The following ARMH3 variants were observed in gnomAD, a reference collection of about 807,000 sequenced individuals.
ARMH3 encodes the protein armadillo-like helical domain-containing protein 3.
A neutral mutation model predicts 99.1 loss-of-function variants in ARMH3; 60 were observed. The ratio of observed to expected loss-of-function variants is 0.61; its 90% CI spans 0.49 to 0.75. The LOEUF is 0.75. Ranked by LOEUF, ARMH3 falls within the 30% of genes least tolerant of loss-of-function variation. The probability of loss-of-function intolerance (pLI) is 0.00; values close to 1 mark genes in which losing one functional copy is unlikely to be tolerated. For missense variants in ARMH3, 679 were observed against 843.1 expected (o/e 0.81, Z 2.41); for synonymous variants, 285 against 292.8 (o/e 0.97, Z 0.27).
chr10:101,927,125 TA>T (rs1843539182), intron 23 of ARMH3, among the ~76,000 whole-genome samples: 1 of 152,146 alleles, frequency 6.6e-6, no homozygotes, highest in Admixed American at 6.5e-5. Context: ...TCCTGCTAAT[TA>T]AAAGCTTAGC....
chr10:102,002,412 G>C (rs993435504), intron 14 of ARMH3, among the ~76,000 whole-genome samples: 1 of 151,854 alleles, frequency 6.6e-6, no homozygotes, highest in Non-Finnish European at 1.5e-5. Flanking sequence ...AAGAAACTTC[G>C]ATTTCTACCT....
intron 24 of ARMH3, among the ~76,000 whole-genome samples, chr10:101,877,904 AT>A (rs953425642): frequency 1.3e-5 from 2 of 152,042 alleles, no homozygotes; most frequent in African/African-American, 2.4e-5. Context: ...TGGGACATTC[AT>A]TTTTAGTCTT....
chr10:101,989,691 A>C (rs560890231), intron 19 of ARMH3, among the ~76,000 whole-genome samples: 2 of 152,344 alleles, frequency 1.3e-5, no homozygotes, highest in Admixed American at 6.5e-5. Context: ...ACTGCACTCC[A>C]GCCTAGGCAA....
At chr10:102,003,616 T>C (rs548094844) in intron 14 of ARMH3, among the ~76,000 whole-genome samples, 1 of 152,336 alleles carries the variant, frequency 6.6e-6, no homozygotes, top group South Asian at 2.1e-4. Flanking sequence ...TATGGCTTTC[T>C]GCTACATTTT....
chr10:102,053,513 G>A (rs1356871963), intron 1 of ARMH3, among the ~76,000 whole-genome samples: 1 of 151,766 alleles, frequency 6.6e-6, no homozygotes, highest in Admixed American at 6.6e-5. Flanking sequence ...AGGATTACAG[G>A]TATAAGCCAC....
rs528470081 is a variant in ARMH3 at position 101,961,150 on chromosome 10, C to T, written c.1496-3418G>A. On this transcript the variant is annotated intron_variant, in intron 20 of 25. Coordinates refer to ENST00000370033, the MANE Select transcript of ARMH3 (RefSeq NM_024541.3). ...TATTTAATACCTCATTATCGCCTTCCTGTCACTCACTGGCAACACAAAAAG... is the reference window on the plus strand; with the variant it reads ...TATTTAATACCTCATTATCGCCTTCTTGTCACTCACTGGCAACACAAAAAG... 2.6e-5 allele frequency among the ~76,000 whole-genome samples: 4 copies of T among 152,262 alleles called. No individual in the cohort carries two copies. The South Asian group carries it at 8.3e-4, about 32-fold the overall frequency.
intron 16 of ARMH3, 61 bp downstream of exon 16, chr10:101,995,236 G>A (rs1847001544): frequency 2.1e-6 from 3 of 1,413,406 alleles, no homozygotes; most frequent in East Asian, 2.3e-5. Flanking sequence ...GGTGAGGGGA[G>A]GCAGGGAAAG....
chr10:102,011,892 G>C, intron 10 of ARMH3, 109 bp from the exon 11 acceptor site: 3 of 773,118 alleles, frequency 3.9e-6, no homozygotes, highest in Admixed American at 2.8e-5. Context: ...TCTGACTCCA[G>C]AAAACTAAAG....
chr10:101,981,876 G>T (rs1846246966), intron 19 of ARMH3, among the ~76,000 whole-genome samples: 1 of 151,822 alleles, frequency 6.6e-6, no homozygotes, highest in African/African-American at 2.4e-5. Context: ...AAAATTAGCT[G>T]GGCGCGGTGG....
At chr10:102,046,212 T>C (rs975628840) in intron 1 of ARMH3, among the ~76,000 whole-genome samples, 8 of 146,602 alleles carry the variant, frequency 5.5e-5, no homozygotes, top group Non-Finnish European at 1.2e-4. Flanking sequence ...AACCCTATGA[T>C]CCAGAAAGTT....
intron 20 of ARMH3, among the ~76,000 whole-genome samples, chr10:101,964,530 G>A (rs776998781): frequency 2.8e-4 from 43 of 152,182 alleles, no homozygotes; most frequent in Non-Finnish European, 3.8e-4. Flanking sequence ...TATACATATG[G>A]CAGAATATTA....
At chr10:102,041,102 T>TATATATAATATATATATATATATA (rs2067411818) in intron 1 of ARMH3, among the ~76,000 whole-genome samples, 1 of 146,510 alleles carries the variant, frequency 6.8e-6, no homozygotes, top group African/African-American at 2.5e-5. Flanking sequence ...TATATATATA[T>TATATATAATATATATATATATATA]ATATATATAT....
intron 19 of ARMH3, among the ~76,000 whole-genome samples, chr10:101,986,774 G>A (rs1028550233): frequency 6.6e-6 from 1 of 152,134 alleles, no homozygotes; most frequent in Non-Finnish European, 1.5e-5. Flanking sequence ...TCTAAAAACT[G>A]GAAAGGGAGC....
At chr10:101,975,158 A>T in intron 20 of ARMH3, 54 bp downstream of exon 20, 1 of 1,444,994 alleles carries the variant, frequency 6.9e-7, no homozygotes, top group Non-Finnish European at 9.6e-7. Context: ...GCCCAGGCCT[A>T]GGGGCTCAAA....
At chr10:101,887,274 G>C (rs891081538) in intron 24 of ARMH3, among the ~76,000 whole-genome samples, 3 of 152,032 alleles carry the variant, frequency 2.0e-5, no homozygotes, top group African/African-American at 7.2e-5. Flanking sequence ...AAGTGAAAAG[G>C]ACTATTAAAA....
intron 23 of ARMH3, among the ~76,000 whole-genome samples, chr10:101,907,120 G>A (rs1842662409): frequency 6.6e-6 from 1 of 152,076 alleles, no homozygotes; most frequent in African/African-American, 2.4e-5. Flanking sequence ...TCTACCAACG[G>A]GGAGACGACC....
chr10:102,005,136 G>C (rs1338968432), intron 14 of ARMH3, among the ~76,000 whole-genome samples: 1 of 152,164 alleles, frequency 6.6e-6, no homozygotes, highest in African/African-American at 2.4e-5. Flanking sequence ...GGTGGAGGTT[G>C]CGGTGAGCTG....
chr10:101,982,037 A>AC (rs1254374957), intron 19 of ARMH3, among the ~76,000 whole-genome samples: 1 of 150,672 alleles, frequency 6.6e-6, no homozygotes, highest in East Asian at 2.0e-4. Flanking sequence ...AAAAAAAAAA[A>AC]AAAAAAACAA....
Position 101,990,615 on chromosome 10 carries a change from A to T in ARMH3, c.1346-4T>A, listed in dbSNP as rs1422134726. The T allele has an allele frequency of 6.2e-7, 1 of 1,601,860 alleles. No individual in the cohort carries two copies. Among genetic ancestry groups the T allele is most frequent in the Non-Finnish European group, 8.5e-7 (1 of 1,170,804 alleles). On this transcript the variant is annotated splice_polypyrimidine_tract_variant and splice_region_variant and intron_variant, in intron 18 of 25. Transcript: ENST00000370033. Reference sequence around the variant, plus strand: ...ACAATAAACTCTACCATCAGGTCTGAAAGGGGAATAGAGAAAAACTGGATC... The same window carrying T: ...ACAATAAACTCTACCATCAGGTCTGTAAGGGGAATAGAGAAAAACTGGATC...
Sources: allele counts gnomAD v4.1 joint callset (sites outside exome capture counted in the v4.1 genomes callset), GRCh38; gene constraint gnomAD v4.1.1; transcripts MANE v1.5; gene names NCBI Gene and HGNC (gene_info 2026-07-23, HGNC 2026-07-21).